The following GDAP1 variants were observed in gnomAD, a reference collection of about 807,000 sequenced individuals.
The protein encoded by GDAP1 is ganglioside-induced differentiation-associated protein 1.
Under a neutral mutation model 40.1 loss-of-function variants are expected in GDAP1, and 34 were observed. The observed-to-expected ratio is 0.85, with a 90% confidence interval of 0.64 to 1.13. The LOEUF (loss-of-function observed/expected upper bound fraction) is 1.13, where lower values mean the gene tolerates loss of function less well. GDAP1 is among the 50% of genes most tolerant of loss of function. The pLI, the probability that GDAP1 is intolerant of heterozygous loss-of-function variation, is 0.00. For missense variants in GDAP1, 374 were observed against 433.7 expected (o/e 0.86, Z 1.22); for synonymous variants, 170 against 157.4 (o/e 1.08, Z -0.60).
chr8:74,379,838 T>C (rs1227393167), intron 2 of GDAP1, among the ~76,000 whole-genome samples: 1 of 152,182 alleles, frequency 6.6e-6, no homozygotes, highest in African/African-American at 2.4e-5. Context: ...ACATCCTAAA[T>C]AGGAGCAGAG....
chr8:74,474,850 G>A (rs1806605274), intron 2 of GDAP1, among the ~76,000 whole-genome samples: 1 of 152,110 alleles, frequency 6.6e-6, no homozygotes, highest in South Asian at 2.1e-4. Flanking sequence ...TTTTGGAATG[G>A]TTTCAGTAGA....
intron 2 of GDAP1, among the ~76,000 whole-genome samples, chr8:74,373,933 C>G (rs1239195291): frequency 6.6e-6 from 1 of 152,172 alleles, no homozygotes; most frequent in Admixed American, 6.5e-5. Context: ...TGCGTCCCAT[C>G]AATACCTAAT....
chr8:74,443,225 G>A (rs1806183859), intron 2 of GDAP1, among the ~76,000 whole-genome samples: 1 of 152,146 alleles, frequency 6.6e-6, no homozygotes, highest in Non-Finnish European at 1.5e-5. Flanking sequence ...TTGTTGGGAA[G>A]GCAGGGAGCC....
intron 2 of GDAP1, among the ~76,000 whole-genome samples, chr8:74,470,120 T>G (rs1806529617): frequency 6.6e-6 from 1 of 152,132 alleles, no homozygotes; most frequent in Non-Finnish European, 1.5e-5. Context: ...TTTCCTTCAG[T>G]TTTTGTAGCT....
At chr8:74,483,734 A>G (rs1030971915) in intron 2 of GDAP1, among the ~76,000 whole-genome samples, 1 of 152,136 alleles carries the variant, frequency 6.6e-6, no homozygotes, top group African/African-American at 2.4e-5. Flanking sequence ...TTATCTACCT[A>G]CAGGAGTCAT....
intron 2 of GDAP1, among the ~76,000 whole-genome samples, chr8:74,382,190 A>G (rs559889349): frequency 2.0e-5 from 3 of 152,232 alleles, no homozygotes; most frequent in African/African-American, 4.8e-5. Context: ...AAGCTATTCA[A>G]ATTGGCTCCT....
At chr8:74,356,862 G>A (rs564775803) in intron 2 of GDAP1, among the ~76,000 whole-genome samples, 28 of 151,272 alleles carry the variant, frequency 1.9e-4, no homozygotes, top group Non-Finnish European at 4.0e-4. Flanking sequence ...CTATAGGCGC[G>A]CACCACCACG....
intron 2 of GDAP1, among the ~76,000 whole-genome samples, chr8:74,481,979 G>T (rs1480891065): frequency 1.3e-5 from 2 of 152,114 alleles, no homozygotes; most frequent in Non-Finnish European, 2.9e-5. Flanking sequence ...GAGTCTAAAA[G>T]AGAAATCTGG....
chr8:74,478,029 G>A (rs1185653052), intron 2 of GDAP1, among the ~76,000 whole-genome samples: 1 of 149,422 alleles, frequency 6.7e-6, no homozygotes, highest in Non-Finnish European at 1.5e-5. Context: ...GGCAGTGACT[G>A]TTCAGAGCCA....
At chr8:74,433,308 C>T (rs528795790) in intron 2 of GDAP1, among the ~76,000 whole-genome samples, 1 of 152,344 alleles carries the variant, frequency 6.6e-6, no homozygotes, top group African/African-American at 2.4e-5. Flanking sequence ...TTTCTGCCCC[C>T]TTCCCTTCCT....
intron 2 of GDAP1, among the ~76,000 whole-genome samples, chr8:74,375,507 C>T (rs1809838242): frequency 6.6e-6 from 1 of 152,080 alleles, no homozygotes; most frequent in Non-Finnish European, 1.5e-5. Flanking sequence ...TGTTATTAAC[C>T]ACATTAACCA....
At chr8:74,380,424 T>C (rs1453285845) in intron 2 of GDAP1, among the ~76,000 whole-genome samples, 2 of 152,134 alleles carry the variant, frequency 1.3e-5, no homozygotes. Context: ...TTGATAACAC[T>C]GTGAGGCAAA....
chr8:74,440,406 T>C (rs919008000), intron 2 of GDAP1, among the ~76,000 whole-genome samples: 2 of 152,166 alleles, frequency 1.3e-5, no homozygotes, highest in African/African-American at 2.4e-5. Context: ...GTACATACTT[T>C]CACCTGCTCA....
intron 2 of GDAP1, among the ~76,000 whole-genome samples, chr8:74,479,598 G>A (rs1295151175): frequency 6.6e-6 from 1 of 152,138 alleles, no homozygotes; most frequent in Non-Finnish European, 1.5e-5. Flanking sequence ...GTGGCTTAAA[G>A]CAATCACTAT....
intron 2 of GDAP1, among the ~76,000 whole-genome samples, chr8:74,469,916 G>A (rs538277939): frequency 3.3e-5 from 5 of 152,222 alleles, no homozygotes; most frequent in Admixed American, 2.0e-4. Flanking sequence ...GGAGGTTGCA[G>A]TGAGCCAAGA....
intron 5 of GDAP1, 95 bp downstream of exon 5, chr8:74,363,148 T>C (rs1162211205): frequency 2.8e-6 from 2 of 725,734 alleles, no homozygotes; most frequent in Non-Finnish European, 5.0e-6. Context: ...GTAATCTGCT[T>C]TTCATTGTTG....
At chr8:74,468,232 T>C (rs1806498653) in intron 2 of GDAP1, among the ~76,000 whole-genome samples, 1 of 152,086 alleles carries the variant, frequency 6.6e-6, no homozygotes, top group Non-Finnish European at 1.5e-5. Flanking sequence ...TCTTTTTCAG[T>C]GGTTTCTCAC....
chr8:74,484,595 A>T (rs7465495), intron 2 of GDAP1, among the ~76,000 whole-genome samples: 1,721 of 152,258 alleles, frequency 0.011, 21 homozygotes, highest in African/African-American at 0.039. Flanking sequence ...AAATGGATGA[A>T]TATGCTTTTC....
intron 2 of GDAP1, among the ~76,000 whole-genome samples, chr8:74,406,334 T>G (rs754014370): frequency 4.2e-4 from 63 of 150,288 alleles, no homozygotes; most frequent in Non-Finnish European, 8.5e-4. Flanking sequence ...AGGCTAGCAA[T>G]GATAAATAAA....
Sources: gnomAD v4.1 joint callset for allele counts (sites outside exome capture counted in the v4.1 genomes callset) on GRCh38, gnomAD v4.1.1 for gene constraint, MANE v1.5 for transcripts, NCBI Gene and HGNC (gene_info 2026-07-23, HGNC 2026-07-21) for gene names.